Variants in SBF2 observed in about 807,000 individuals in gnomAD.
SBF2 encodes myotubularin-related protein 13.
A neutral mutation model predicts 225.2 loss-of-function variants in SBF2; 112 were observed. The observed-to-expected ratio is 0.50, with a 90% confidence interval of 0.43 to 0.58. The LOEUF (loss-of-function observed/expected upper bound fraction) is 0.58. Among genes scored for constraint, SBF2 ranks in the 20% least tolerant of loss-of-function variants. The pLI is 0.00. For missense variants in SBF2, 1,996 were observed against 2,206.2 expected (o/e 0.90, Z 1.91); for synonymous variants, 763 against 773.3 (o/e 0.99, Z 0.22).
chr11:10,182,102 AT>A (rs1956760296), intron 2 of SBF2, among the ~76,000 whole-genome samples: 2 of 152,228 alleles, frequency 1.3e-5, no homozygotes, highest in Non-Finnish European at 2.9e-5. Flanking sequence ...ACATGGTAAT[AT>A]CCGTAACTGG....
intron 29 of SBF2, 158 bp from the exon 30 acceptor site, chr11:9,812,866 C>T (rs899128454): frequency 3.9e-5 from 28 of 722,130 alleles, no homozygotes; most frequent in Non-Finnish European, 6.0e-5. Flanking sequence ...AGCAATGTGT[C>T]AGTGTTGGTG....
chr11:10,150,494 A>G (rs1305788818), intron 2 of SBF2, among the ~76,000 whole-genome samples: 2 of 152,282 alleles, frequency 1.3e-5, no homozygotes, highest in East Asian at 1.9e-4. Context: ...GGGTACTTAA[A>G]TGGAAATATA....
At position 10,149,732 on chromosome 11, in the gene SBF2, C is replaced by T. The variant is rs1463180858; in HGVS notation, c.141+44170G>A. Among the ~76,000 whole-genome samples the T allele has an allele frequency of 3.3e-5, 5 of 152,134 alleles. No homozygotes were observed. In the East Asian group the frequency reaches 7.7e-4, roughly 23 times the overall value. ...TTTCTATGTTGATCAGGGTAAGTAACTCTCTCTGCTGTAACAACTAACTCC... is the reference window on the plus strand; with the variant it reads ...TTTCTATGTTGATCAGGGTAAGTAATTCTCTCTGCTGTAACAACTAACTCC... On this transcript the variant is annotated intron_variant, in intron 2 of 39. Transcript: ENST00000256190.
chr11:10,259,187 A>T (rs557145424), intron 1 of SBF2, among the ~76,000 whole-genome samples: 13 of 152,330 alleles, frequency 8.5e-5, no homozygotes, highest in South Asian at 6.2e-4. Flanking sequence ...AAGTAGTACA[A>T]GTCAGGTGTT....
intron 2 of SBF2, among the ~76,000 whole-genome samples, chr11:10,100,308 T>G (rs549473738): frequency 6.6e-6 from 1 of 152,346 alleles, no homozygotes; most frequent in South Asian, 2.1e-4. Context: ...AGGGTGAACC[T>G]GTTGGGCAGT....
chr11:10,209,745 A>G (rs910404663), intron 1 of SBF2, among the ~76,000 whole-genome samples: 4 of 152,112 alleles, frequency 2.6e-5, no homozygotes, highest in African/African-American at 4.8e-5. Context: ...CTAAGCATTC[A>G]GTGTCTCCAC....
At chr11:10,140,684 TAGTC>T (rs1247406066) in intron 2 of SBF2, among the ~76,000 whole-genome samples, 3 of 152,170 alleles carry the variant, frequency 2.0e-5, no homozygotes, top group African/African-American at 7.2e-5. Flanking sequence ...CATTTATAGC[TAGTC>T]AGTCAGAAGC....
chr11:9,850,384 T>A (rs1018489269), intron 21 of SBF2, among the ~76,000 whole-genome samples, 166 bp from the exon 22 acceptor site: 1 of 152,084 alleles, frequency 6.6e-6, no homozygotes, highest in Non-Finnish European at 1.5e-5. Flanking sequence ...GCCTCCTGAG[T>A]AGCTGAGACT....
At chr11:10,099,169 T>C (rs1952174943) in intron 2 of SBF2, among the ~76,000 whole-genome samples, 1 of 152,014 alleles carries the variant, frequency 6.6e-6, no homozygotes, top group Non-Finnish European at 1.5e-5. Flanking sequence ...CATGTGCTAA[T>C]CAAATTACCA....
chr11:10,235,149 T>A (rs148827992), intron 1 of SBF2, among the ~76,000 whole-genome samples: 3 of 152,252 alleles, frequency 2.0e-5, no homozygotes, highest in African/African-American at 7.2e-5. Flanking sequence ...TTTTTGAGTA[T>A]TGAATAAATA....
At chr11:10,098,349 G>A (rs7131203) in intron 2 of SBF2, among the ~76,000 whole-genome samples, 69,947 of 151,544 alleles carry the variant, frequency 0.46, 16,539 homozygotes, top group Admixed American at 0.56. Flanking sequence ...AAGGTCTGAA[G>A]GACCTCCAGA....
chr11:9,978,325 A>G (rs1946792030), intron 13 of SBF2, among the ~76,000 whole-genome samples: 1 of 152,228 alleles, frequency 6.6e-6, no homozygotes, highest in South Asian at 2.1e-4. Flanking sequence ...CAATCTAATG[A>G]CAATCCACTG....
chr11:10,042,807 C>T (rs1949702707), intron 3 of SBF2, 37 bp downstream of exon 3: 3 of 1,609,842 alleles, frequency 1.9e-6, no homozygotes, highest in Non-Finnish European at 2.6e-6. Flanking sequence ...AAATGTTGTA[C>T]CTTCGACTGT....
rs1959170048 is a variant in SBF2 at position 10,238,764 on chromosome 11, T to C, written c.56-44777A>G. Among the ~76,000 whole-genome samples the C allele has an allele frequency of 1.3e-5, 2 of 150,300 alleles. 1 individual carries two copies. The highest frequency in any genetic ancestry group is 3.0e-5 in the Non-Finnish European group (2 of 67,314). On this transcript the variant is annotated intron_variant, in intron 1 of 39. Coordinates refer to ENST00000256190, the MANE Select transcript of SBF2 (RefSeq NM_030962.4). ...TCTGTCTCTACAAAAAATACAAAAA[T>C]TAGCCAGGTGTGCTGGCACACACCT...
At chr11:10,100,457 C>T (rs1952240932) in intron 2 of SBF2, among the ~76,000 whole-genome samples, 1 of 152,208 alleles carries the variant, frequency 6.6e-6, no homozygotes, top group African/African-American at 2.4e-5. Flanking sequence ...CTGGCAATCT[C>T]TCTACTGGCA....
Position 9,787,694 on chromosome 11 carries a change from C to T in SBF2, c.4977G>A (p.Lys1659=). 1.9e-6 allele frequency: 3 copies of T among 1,614,238 alleles called. No homozygotes were observed. Among genetic ancestry groups the T allele is most frequent in the Non-Finnish European group, 2.5e-6 (3 of 1,180,048 alleles). ...LEHKLNQAPE[K]WQQLWERVTV... is the part of the protein sequence containing the mutation. ...TTACCCTTTCCCACAGCTGCTGCCA[C>T]TTCTCAGGGGCTTGGTTCAATTTGT... The change falls in exon 36 of 40, where the codon AAG becomes AAA. Residue 1659 remains lysine, a synonymous_variant. Transcript: ENST00000256190.
intron 27 of SBF2, among the ~76,000 whole-genome samples, chr11:9,831,404 T>A (rs563767123): frequency 1.3e-5 from 2 of 152,220 alleles, no homozygotes; most frequent in South Asian, 4.1e-4. Context: ...GTAGTGAGAC[T>A]TCAAGGCAGG....
intron 2 of SBF2, among the ~76,000 whole-genome samples, chr11:10,141,003 AAAGAAAAATGG>A (rs1954616016): frequency 6.6e-6 from 1 of 152,218 alleles, no homozygotes; most frequent in African/African-American, 2.4e-5. Flanking sequence ...GCCCAGAAAA[AAAGAAAAATGG>A]AAGAAAAATA....
chr11:9,845,808 C>T lies in SBF2; in HGVS notation c.2935-68G>A. On this transcript the variant is annotated intron_variant, in intron 23 of 39. Transcript: ENST00000256190. ...TTCCTGGCAACTTTCCCCCAAACAA[C>T]AGAATATAATAACACAAAATGGCAA... 3 of 1,442,566 alleles carry T rather than the reference C, an allele frequency of 2.1e-6. No individual in the cohort carries two copies. In the South Asian group the frequency reaches 3.4e-5, roughly 16 times the overall value. 89.4% of individuals were successfully genotyped at this position (1,442,566 alleles called of 1,614,324 possible). A position where few individuals can be genotyped will look rare whatever the true frequency, so the allele number is the denominator to read the frequency against.
Sources: allele counts gnomAD v4.1 joint callset (sites outside exome capture counted in the v4.1 genomes callset), GRCh38; gene constraint gnomAD v4.1.1; transcripts MANE v1.5; gene names NCBI Gene and HGNC (gene_info 2026-07-23, HGNC 2026-07-21).